The following TAB3 variants were observed in gnomAD, a reference collection of about 807,000 sequenced individuals.
The protein encoded by TAB3 is TGF-beta activated kinase 1 (MAP3K7) binding protein 3.
In TAB3, 18 loss-of-function variants were observed where a neutral mutation model predicts 48.1. The ratio of observed to expected loss-of-function variants is 0.37; its 90% CI spans 0.26 to 0.55. The LOEUF (loss-of-function observed/expected upper bound fraction) is 0.55. TAB3 is among the 20% of genes least tolerant of loss of function. The pLI is 0.78. For missense variants in TAB3, 414 were observed against 549.8 expected (o/e 0.75, Z 2.47); for synonymous variants, 185 against 190.2 (o/e 0.97, Z 0.22).
At chrX:30,834,226 T>G in intron 9 of TAB3, 74 bp from the exon 10 acceptor site, 1 of 947,618 alleles carries the variant, frequency 1.1e-6, no homozygotes, top group Non-Finnish European at 1.5e-6. Context: ...GCTCACAAGA[T>G]CTTTCAAGCA....
chrX:30,833,282 T>G (rs1169910512), intron 10 of TAB3, among the ~76,000 whole-genome samples: 4 of 110,468 alleles, frequency 3.6e-5, no homozygotes, highest in Non-Finnish European at 5.7e-5. Context: ...TATGCCATTT[T>G]CAGAAAAGGA....
intron 1 of TAB3, among the ~76,000 whole-genome samples, chrX:30,884,886 AG>A (rs1940088629): frequency 8.9e-6 from 1 of 112,427 alleles, no homozygotes; most frequent in Non-Finnish European, 1.9e-5. Context: ...ACCTTTGAAA[AG>A]TTTCAAATCA....
chrX:30,833,630 T>G (rs576267488), intron 10 of TAB3, among the ~76,000 whole-genome samples: 6 of 109,746 alleles, frequency 5.5e-5, no homozygotes, highest in African/African-American at 9.9e-5. Context: ...AGGAGATCGA[T>G]ACCATCCTGG....
At chrX:30,843,924 T>C (rs1246835424) in intron 8 of TAB3, 1 of 111,312 alleles carries the variant, frequency 9.0e-6, no homozygotes, top group Non-Finnish European at 1.9e-5. Context: ...TAGAAGATGC[T>C]GTATGGTACT....
intron 5 of TAB3, among the ~76,000 whole-genome samples, chrX:30,856,173 G>A (rs760169147): frequency 1.8e-5 from 2 of 111,257 alleles, no homozygotes; most frequent in African/African-American, 6.5e-5. Flanking sequence ...TAAGCAAAAC[G>A]AATCAGTATA....
chrX:30,887,463 C>T (rs1255908268), intron 1 of TAB3, among the ~76,000 whole-genome samples: 4 of 112,727 alleles, frequency 3.5e-5, no homozygotes, highest in African/African-American at 1.3e-4. Context: ...CACAAATTTC[C>T]ATTTTCATAA....
At chrX:30,878,995 A>G (rs2082150297) in intron 1 of TAB3, among the ~76,000 whole-genome samples, 1 of 111,803 alleles carries the variant, frequency 8.9e-6, no homozygotes, top group South Asian at 3.7e-4. Flanking sequence ...GTATGTCAGG[A>G]AGGAAACAAG....
intron 7 of TAB3, among the ~76,000 whole-genome samples, chrX:30,848,023 G>A (rs946758876): frequency 2.7e-5 from 3 of 112,166 alleles, no homozygotes; most frequent in Admixed American, 9.4e-5. Context: ...ATATATACTT[G>A]AACATTTAAA....
At chrX:30,883,836 T>A (rs970166514) in intron 1 of TAB3, among the ~76,000 whole-genome samples, 1 of 111,527 alleles carries the variant, frequency 9.0e-6, no homozygotes, top group Non-Finnish European at 1.9e-5. Flanking sequence ...TATGTGACAT[T>A]TTTCTGTGGG....
intron 4 of TAB3, among the ~76,000 whole-genome samples, chrX:30,859,936 A>C (rs184713053): frequency 3.9e-3 from 433 of 109,993 alleles, no homozygotes; most frequent in Middle Eastern, 0.014. Flanking sequence ...AAAAAAAAAA[A>C]CAAAAAACAA....
chrX:30,856,374 C>T (rs1939075045), intron 5 of TAB3, among the ~76,000 whole-genome samples: 1 of 112,242 alleles, frequency 8.9e-6, no homozygotes, highest in South Asian at 3.7e-4. Flanking sequence ...TAATTCTACA[C>T]TCACAAAGGA....
At chrX:30,868,142 C>G (rs1187090497) in intron 2 of TAB3, among the ~76,000 whole-genome samples, 1 of 103,374 alleles carries the variant, frequency 9.7e-6, no homozygotes, top group African/African-American at 3.5e-5. Context: ...AGTGATCCAC[C>G]CACCTGGGCC....
intron 9 of TAB3, among the ~76,000 whole-genome samples, chrX:30,842,733 G>C (rs1320098328): frequency 1.8e-5 from 2 of 110,874 alleles, no homozygotes; most frequent in East Asian, 5.6e-4. Context: ...GGCTGAGGCA[G>C]AAAGATCGCT....
At chrX:30,887,805 G>A (rs1940173603) in intron 1 of TAB3, among the ~76,000 whole-genome samples, 1 of 112,436 alleles carries the variant, frequency 8.9e-6, no homozygotes, top group African/African-American at 3.2e-5. Flanking sequence ...CAGGGTGACT[G>A]AATGCAGATT....
Position 30,854,232 on chromosome X carries a change from G to A in TAB3, c.1433C>T (p.Ala478Val). Residue 478 changes from alanine to valine, a missense_variant, in exon 6 of 11, where the codon GCA (alanine) becomes GTA (valine). Physicochemically the swap from Ala to Val is moderately conservative, Grantham distance 64. Coordinates refer to ENST00000288422, the MANE Select transcript of TAB3 (RefSeq NM_152787.5). ...LNLVDQEERS[A>V]APEPIQPISV... ...AATGGGCTGAATAGGTTCTGGTGCT[G>A]CAGAGCGCTCTTCTTGGTCCACTAA... 8.3e-7 allele frequency: 1 copy of A among 1,211,756 alleles called. No homozygotes were observed. The highest frequency in any genetic ancestry group is 1.1e-6 in the Non-Finnish European group (1 of 895,537).
chrX:30,834,185 G>A, intron 9 of TAB3, 33 bp from the exon 10 acceptor site: 2 of 1,154,456 alleles, frequency 1.7e-6, no homozygotes, highest in South Asian at 1.8e-5. Context: ...AGAAAGAAGT[G>A]ATCCAGTCTT....
rs1302963141 is a variant in TAB3, at chrX:30,827,554, T to A, written c.*3873A>T. 3.5e-5 allele frequency: 4 copies of A among 112,706 alleles called. No homozygotes were observed. Among genetic ancestry groups the A allele is most frequent in the Non-Finnish European group, 7.5e-5 (4 of 53,271 alleles). The allele number at this position is 112,706 out of a possible 1,213,427, so 9.3% of individuals were successfully genotyped here. On this transcript the variant is annotated 3_prime_UTR_variant, in exon 11 of 11. Coordinates refer to ENST00000288422, the MANE Select transcript of TAB3 (RefSeq NM_152787.5). Reference sequence around the variant, plus strand: ...TTTAAAATGCCTTTGTACAATTTCATCTCAAAATGATTTCATTCACAGCAT... The same window carrying A: ...TTTAAAATGCCTTTGTACAATTTCAACTCAAAATGATTTCATTCACAGCAT...
At chrX:30,876,567 G>A (rs1329756961) in intron 1 of TAB3, among the ~76,000 whole-genome samples, 3 of 111,519 alleles carry the variant, frequency 2.7e-5, no homozygotes, top group South Asian at 7.6e-4. Context: ...ATGCGGTGGC[G>A]TGATCACGGC....
At chrX:30,881,904 G>C (rs1940008776) in intron 1 of TAB3, among the ~76,000 whole-genome samples, 1 of 112,198 alleles carries the variant, frequency 8.9e-6, no homozygotes, top group Non-Finnish European at 1.9e-5. Context: ...TACTGGCAGT[G>C]TCTCTCAATA....
Sources: allele counts gnomAD v4.1 joint callset (sites outside exome capture counted in the v4.1 genomes callset), GRCh38; gene constraint gnomAD v4.1.1; transcripts MANE v1.5; gene names NCBI Gene and HGNC (gene_info 2026-07-23, HGNC 2026-07-21).